The following SLCO1B3 variants were observed in gnomAD, a reference collection of about 807,000 sequenced individuals.
The protein encoded by SLCO1B3 is solute carrier organic anion transporter family member 1B3.
A neutral mutation model predicts 71.8 loss-of-function variants in SLCO1B3; 72 were observed. The observed-to-expected ratio is 1.00, with a 90% CI of 0.83 to 1.22. SLCO1B3 has a LOEUF of 1.22. SLCO1B3 is among the 50% of genes most tolerant of loss of function. SLCO1B3 has a pLI of 0.00. For synonymous variants in SLCO1B3, 298 were observed against 278.4 expected (o/e 1.07, Z -0.70); for missense variants, 911 against 819.7 (o/e 1.11, Z -1.36).
chr12:20,903,490 C>T (rs1866170238), intron 15 of SLCO1B3, among the ~76,000 whole-genome samples: 1 of 152,082 alleles, frequency 6.6e-6, no homozygotes, highest in Non-Finnish European at 1.5e-5. Flanking sequence ...ACAGGCTTAA[C>T]AAGAAGCATG....
At position 20,879,557 on chromosome 12, in the gene SLCO1B3, C is replaced by A; in HGVS notation, c.1257C>A (p.Phe419Leu). ...CATTTCTTACTTCGATGATATCCTT[C>A]TTGTTTCAACTTCTATATTTCCCTC... ...KFSFLTSMISFLFQLLYFPLI... is the reference protein window; with the variant it reads ...KFSFLTSMISLLFQLLYFPLI... The change falls in exon 11 of 16, where the codon TTC (phenylalanine) becomes TTA (leucine). Residue 419 changes from phenylalanine to leucine, a missense_variant. Coordinates refer to ENST00000381545, the MANE Select transcript of SLCO1B3 (RefSeq NM_019844.4). 2 of 1,612,808 alleles carry A rather than the reference C, an allele frequency of 1.2e-6. No individual in the cohort carries two copies. The highest frequency in any genetic ancestry group is 1.7e-6 in the Non-Finnish European group (2 of 1,179,306).
At chr12:20,898,580 C>A in intron 14 of SLCO1B3, 80 bp downstream of exon 14, 3 of 664,092 alleles carry the variant, frequency 4.5e-6, no homozygotes, top group Non-Finnish European at 5.1e-6. Flanking sequence ...AATTAATTTT[C>A]AACTATAAGA....
chr12:20,889,130 T>C (rs565897898), intron 13 of SLCO1B3, among the ~76,000 whole-genome samples: 1 of 151,172 alleles, frequency 6.6e-6, no homozygotes, highest in African/African-American at 2.4e-5. Context: ...GGATCTATGT[T>C]CATCAGGGAT....
intron 13 of SLCO1B3, among the ~76,000 whole-genome samples, chr12:20,887,894 T>G (rs1865823827): frequency 6.6e-6 from 1 of 151,952 alleles, no homozygotes; most frequent in Non-Finnish European, 1.5e-5. Context: ...TTTCAGTTAA[T>G]TTTTATATAT....
chr12:20,864,234 C>T (rs929067455), intron 8 of SLCO1B3, among the ~76,000 whole-genome samples: 1 of 151,782 alleles, frequency 6.6e-6, no homozygotes, highest in African/African-American at 2.4e-5. Context: ...ATTCGGTGCT[C>T]CTATTAATCA....
intron 15 of SLCO1B3, 21 bp from the exon 16 acceptor site, chr12:20,915,983 C>T: frequency 1.3e-6 from 2 of 1,554,810 alleles, no homozygotes; most frequent in South Asian, 1.2e-5. Flanking sequence ...ATAATCGACT[C>T]TCTATTTTCT....
At chr12:20,903,460 TTTAA>T (rs1866170039) in intron 15 of SLCO1B3, among the ~76,000 whole-genome samples, 2 of 151,814 alleles carry the variant, frequency 1.3e-5, no homozygotes, top group Admixed American at 6.6e-5. Context: ...AGAAAAGAGG[TTTAA>T]TTAACTCCCA....
intron 3 of SLCO1B3, among the ~76,000 whole-genome samples, chr12:20,821,809 G>C (rs888360746): frequency 2.6e-5 from 4 of 152,176 alleles, no homozygotes; most frequent in African/African-American, 9.7e-5. Flanking sequence ...AATCAGAGAG[G>C]CATCCCTGCA....
At chr12:20,894,592 C>T (rs1865966681) in intron 13 of SLCO1B3, among the ~76,000 whole-genome samples, 2 of 152,042 alleles carry the variant, frequency 1.3e-5, no homozygotes, top group South Asian at 4.2e-4. Flanking sequence ...AGTATACCGA[C>T]AAAGTGTAAC....
intron 8 of SLCO1B3, among the ~76,000 whole-genome samples, chr12:20,870,897 G>T (rs143929692): frequency 6.6e-6 from 1 of 152,180 alleles, no homozygotes; most frequent in African/African-American, 2.4e-5. Flanking sequence ...TATTATGAAG[G>T]GATGTTGAAT....
chr12:20,887,726 A>G (rs1054405715), intron 13 of SLCO1B3, among the ~76,000 whole-genome samples: 1 of 150,838 alleles, frequency 6.6e-6, no homozygotes, highest in Non-Finnish European at 1.5e-5. Context: ...AAAGTTTTGT[A>G]GTTTAATTAA....
At chr12:20,850,112 C>A (rs1242392268) in intron 3 of SLCO1B3, among the ~76,000 whole-genome samples, 4 of 135,832 alleles carry the variant, frequency 2.9e-5, no homozygotes, top group Non-Finnish European at 3.2e-5. Context: ...CCCAAATAAA[C>A]AAAATAATAT....
At chr12:20,813,416 A>C (rs1864139793) in intron 1 of SLCO1B3, 108 bp from the exon 2 acceptor site, 1 of 152,194 alleles carries the variant, frequency 6.6e-6, no homozygotes, top group Non-Finnish European at 1.5e-5. Flanking sequence ...GAAAAATTTG[A>C]GTTGCTCTGT....
At chr12:20,822,400 C>T (rs746908136) in intron 3 of SLCO1B3, among the ~76,000 whole-genome samples, 6 of 151,314 alleles carry the variant, frequency 4.0e-5, no homozygotes, top group Middle Eastern at 3.2e-3. Context: ...ACAAGGTGCT[C>T]GGTGGGGGAG....
intron 4 of SLCO1B3, among the ~76,000 whole-genome samples, chr12:20,858,057 G>A (rs1376744756): frequency 1.3e-5 from 2 of 151,728 alleles, no homozygotes; most frequent in African/African-American, 2.4e-5. Flanking sequence ...CACTGTGGTA[G>A]GTACATAGTA....
chr12:20,868,622 G>C (rs1254792688), intron 8 of SLCO1B3, among the ~76,000 whole-genome samples: 2 of 150,662 alleles, frequency 1.3e-5, no homozygotes, highest in African/African-American at 4.9e-5. Flanking sequence ...CTCTTACTGT[G>C]TGCGGAGATG....
rs543173720 is a variant in SLCO1B3 at position 20,823,467 on chromosome 12, A to G, written c.84+7645A>G. Among the ~76,000 whole-genome samples the G allele has an allele frequency of 2.6e-5, 4 of 152,338 alleles. No individual in the cohort carries two copies. The South Asian group carries it at 8.3e-4, about 32-fold the overall frequency. On this transcript the variant is annotated intron_variant, in intron 3 of 15. Transcript: ENST00000381545. ...ACTAGAATCAAACAACAGGTACTAT[A>G]ATTTATAGAAGCATAATTTTTCTCT...
At chr12:20,814,310 T>C (rs1864154331) in intron 2 of SLCO1B3, among the ~76,000 whole-genome samples, 1 of 152,096 alleles carries the variant, frequency 6.6e-6, no homozygotes, top group African/African-American at 2.4e-5. Flanking sequence ...ATACTTTGAC[T>C]TCAAAACTTC....
In SLCO1B3 at chr12:20,883,533, T is replaced by G. The variant is rs781244162; in HGVS notation, c.1613T>G (p.Val538Gly). The change falls in exon 13 of 16, where the codon GTT (valine) becomes GGT (glycine). Residue 538 changes from valine (V) to glycine (G), a missense_variant. Val to Gly is a moderately radical substitution (Grantham distance 109). Transcript: ENST00000381545. The stretch of plus-strand genomic sequence containing the variant: ...TGTACAAGGAAATTTTTCATCTATG[T>G]TGCAATTCAAGTCATAAACTCTTTG... ...NTCTRKFFIY[V>G]AIQVINSLFS... The G allele has an allele frequency of 2.5e-6, 4 of 1,605,376 alleles. No individual in the cohort carries two copies. The highest frequency in any genetic ancestry group is 3.4e-6 in the Non-Finnish European group (4 of 1,176,782).
Sources: gnomAD v4.1 joint callset for allele counts (sites outside exome capture counted in the v4.1 genomes callset) on GRCh38, gnomAD v4.1.1 for gene constraint, MANE v1.5 for transcripts, NCBI Gene and HGNC (gene_info 2026-07-23, HGNC 2026-07-21) for gene names.